The following CCDC178 variants were observed in gnomAD, a reference collection of about 807,000 sequenced individuals.
CCDC178 encodes the protein coiled-coil domain-containing protein 178.
CCDC178 carries 126 observed loss-of-function variants against 117.4 expected under a neutral mutation model. The ratio of observed to expected loss-of-function variants is 1.07; its 90% CI spans 0.93 to 1.24. The LOEUF is 1.24. Among genes scored for constraint, CCDC178 ranks in the 50% most tolerant of loss-of-function variants. The pLI is 0.00. For missense variants in CCDC178, 1,030 were observed against 986.9 expected (o/e 1.04, Z -0.59); for synonymous variants, 283 against 313.4 (o/e 0.90, Z 1.02).
intron 21 of CCDC178, among the ~76,000 whole-genome samples, chr18:33,031,734 T>C (rs1387057458): frequency 1.3e-5 from 2 of 152,124 alleles, no homozygotes; most frequent in Non-Finnish European, 2.9e-5. Flanking sequence ...CCTAGACATA[T>C]ATGCAACATA....
At chr18:32,962,166 C>A (rs777789896) in intron 22 of CCDC178, among the ~76,000 whole-genome samples, 2 of 151,928 alleles carry the variant, frequency 1.3e-5, no homozygotes, top group Non-Finnish European at 1.5e-5. Flanking sequence ...ACTTGCACCA[C>A]AAAATTCTAT....
At chr18:33,251,416 A>G (rs190826287) in intron 14 of CCDC178, among the ~76,000 whole-genome samples, 1 of 151,796 alleles carries the variant, frequency 6.6e-6, no homozygotes, top group Admixed American at 6.6e-5. Context: ...AGTCATCAGA[A>G]AAGTGGAATT....
chr18:33,203,958 G>C (rs892963159), intron 20 of CCDC178, among the ~76,000 whole-genome samples: 1 of 152,122 alleles, frequency 6.6e-6, no homozygotes, highest in Non-Finnish European at 1.5e-5. Context: ...GTAAGAGTTA[G>C]GGGAAGCTAA....
rs147654706 is a variant in CCDC178, at chr18:33,320,318, C to T, written c.1022+3173G>A. On this transcript the variant is annotated intron_variant, in intron 11 of 22. Transcript: ENST00000383096. ...AAGTCAAATTGTCCCTGTTTGCAGA[C>T]GACATGATTGTATATTTAGAAAACC... Among the ~76,000 whole-genome samples, 533 of 152,156 alleles carry T rather than the reference C, an allele frequency of 3.5e-3. 22 individuals are homozygous for T. The East Asian group carries it at 0.084, about 24-fold the overall frequency.
Position 33,194,900 on chromosome 18 carries a change from C to CAAAAAAAA in CCDC178, c.2238+16988_2238+16995dup, listed in dbSNP as rs530764182. On this transcript the variant is annotated intron_variant, in intron 20 of 22. Coordinates refer to ENST00000383096, the MANE Select transcript of CCDC178 (RefSeq NM_001105528.4). ...GCAATACAATGAGACTCTGTTTCTA[C>CAAAAAAAA]AAAAAAAAAAAAAAAAAAAGAGAGA... is the stretch of plus-strand genomic sequence containing the variant. Among the ~76,000 whole-genome samples the CAAAAAAAA allele has an allele frequency of 1.9e-3, 108 of 56,088 alleles. 3 individuals are homozygous for CAAAAAAAA. Among genetic ancestry groups the CAAAAAAAA allele is most frequent in the Admixed American group, 5.0e-3 (22 of 4,438 alleles). 36.8% of individuals were successfully genotyped at this position (56,088 alleles called of 152,430 possible).
chr18:32,990,896 C>G (rs1312247128), intron 21 of CCDC178, among the ~76,000 whole-genome samples: 1 of 150,590 alleles, frequency 6.6e-6, no homozygotes, highest in African/African-American at 2.4e-5. Context: ...TTTTTTTTCA[C>G]AAGAGAAAAC....
intron 20 of CCDC178, among the ~76,000 whole-genome samples, chr18:33,203,152 T>C (rs560220005): frequency 6.6e-6 from 1 of 152,326 alleles, no homozygotes; most frequent in Admixed American, 6.5e-5. Context: ...CCTGAGATTA[T>C]CAGAAATATT....
chr18:33,172,147 G>A lies in CCDC178; in HGVS notation c.2238+39749C>T, dbSNP rs533789115. On this transcript the variant is annotated intron_variant, in intron 20 of 22. Transcript: ENST00000383096. ...CTGGTCTCGACGATCCACCTGCCTC[G>A]GCCTCCCAAAATGCTGGGAGTACAG... 9.9e-4 allele frequency among the ~76,000 whole-genome samples: 151 copies of A among 152,036 alleles called. 1 individual carries two copies. Among genetic ancestry groups the A allele is most frequent in the African/African-American group, 3.4e-3 (143 of 41,480 alleles).
chr18:33,227,556 GTATATATATATA>G (rs145380258), intron 15 of CCDC178, among the ~76,000 whole-genome samples: 1 of 110,966 alleles, frequency 9.0e-6, no homozygotes, highest in African/African-American at 3.4e-5. Flanking sequence ...GTGTGTGTGT[GTATATATATATA>G]TATATATATA....
At chr18:33,083,583 A>G (rs529284007) in intron 21 of CCDC178, among the ~76,000 whole-genome samples, 1 of 151,986 alleles carries the variant, frequency 6.6e-6, no homozygotes, top group Non-Finnish European at 1.5e-5. Context: ...TCTCCCTTTT[A>G]TTTATCAACT....
At chr18:33,208,632 G>A (rs1465957665) in intron 20 of CCDC178, among the ~76,000 whole-genome samples, 1 of 151,996 alleles carries the variant, frequency 6.6e-6, no homozygotes, top group Non-Finnish European at 1.5e-5. Context: ...ACCAATAGGA[G>A]AATAATATAC....
At chr18:33,367,686 G>T (rs570579016) in intron 6 of CCDC178, among the ~76,000 whole-genome samples, 1 of 151,752 alleles carries the variant, frequency 6.6e-6, no homozygotes, top group East Asian at 1.9e-4. Context: ...GCATAGATTT[G>T]AACTAAATAT....
chr18:33,326,139 G>T (rs888564621), intron 10 of CCDC178, among the ~76,000 whole-genome samples: 5 of 152,190 alleles, frequency 3.3e-5, no homozygotes, highest in Non-Finnish European at 5.9e-5. Context: ...TTCAGCTGGG[G>T]ACAGGTTAGC....
chr18:33,317,964 C>T (rs538507640), intron 11 of CCDC178, among the ~76,000 whole-genome samples: 3 of 152,100 alleles, frequency 2.0e-5, no homozygotes, highest in Non-Finnish European at 2.9e-5. Context: ...CACCCAGCAG[C>T]ACCGTGACCA....
chr18:32,985,004 T>G (rs538964637), intron 21 of CCDC178, among the ~76,000 whole-genome samples: 25 of 152,064 alleles, frequency 1.6e-4, no homozygotes, highest in African/African-American at 4.6e-4. Flanking sequence ...AGTATATCTT[T>G]ATAGTCTTCT....
intron 5 of CCDC178, among the ~76,000 whole-genome samples, chr18:33,373,659 A>G (rs879430591): frequency 1.3e-5 from 2 of 152,178 alleles, no homozygotes; most frequent in African/African-American, 2.4e-5. Flanking sequence ...AATGGATCAC[A>G]TTGCACTCTG....
At chr18:33,200,692 G>C (rs1176877189) in intron 20 of CCDC178, among the ~76,000 whole-genome samples, 1 of 152,102 alleles carries the variant, frequency 6.6e-6, no homozygotes, top group Non-Finnish European at 1.5e-5. Flanking sequence ...ATTTAGTTCT[G>C]CAATACTCAT....
intron 20 of CCDC178, among the ~76,000 whole-genome samples, chr18:33,127,504 T>C (rs1161506496): frequency 1.3e-5 from 2 of 152,114 alleles, no homozygotes; most frequent in Non-Finnish European, 2.9e-5. Context: ...AGTGCAATCT[T>C]GGCTCACTGC....
In CCDC178 at chr18:33,293,202, TC is replaced by T. The variant is rs1307675220; in HGVS notation, c.1132del (p.Glu378LysfsTer19). 1 of 1,594,994 alleles carries T rather than the reference TC, an allele frequency of 6.3e-7. No individual in the cohort carries two copies. The highest frequency in any genetic ancestry group is 1.3e-5 in the African/African-American group (1 of 74,372). ...KEEEVTEAIRETKSSKNELHS... is the reference protein window; with the variant it reads ...KEEEVTEAIRXTKSSKNELHS... ...TAATTCATTTTTTGATGACTTTGTT[TC>T]CCTTATTGCTTCAGTCACTTCCTCT... On this transcript the variant is annotated frameshift_variant, in exon 12 of 23. Transcript: ENST00000383096. LOFTEE classifies it high-confidence loss of function.
Sources: allele counts gnomAD v4.1 joint callset (sites outside exome capture counted in the v4.1 genomes callset), GRCh38; gene constraint gnomAD v4.1.1; transcripts MANE v1.5; gene names NCBI Gene and HGNC (gene_info 2026-07-23, HGNC 2026-07-21).